Variants in ARPIN observed in about 807,000 individuals in gnomAD.
ARPIN encodes the protein UPF0552 protein C15orf38.
Under a neutral mutation model 25.9 loss-of-function variants are expected in ARPIN, and 23 were observed. The observed-to-expected ratio is 0.89, with a 90% CI of 0.64 to 1.26. The LOEUF (loss-of-function observed/expected upper bound fraction) is 1.26, where lower values mean the gene tolerates loss of function less well. Ranked by LOEUF, ARPIN falls within the 50% of genes most tolerant of loss-of-function variation. The probability of loss-of-function intolerance (pLI) is 0.00; values close to 1 mark genes in which losing one functional copy is unlikely to be tolerated. For missense variants in ARPIN, 333 were observed against 312.2 expected (o/e 1.07, Z -0.50); for synonymous variants, 126 against 131.4 (o/e 0.96, Z 0.28).
At position 89,908,287 on chromosome 15, in the gene ARPIN, C is replaced by T. The variant is rs144124631; in HGVS notation, c.294G>A (p.Ser98=). Residue 98 remains serine, a synonymous_variant, in exon 3 of 6, where the codon TCG becomes TCA. Transcript: ENST00000357484. ...TRKVNTGFLM[S]SYKVEAKGDT... ...AGGGCAGAGGATACCTACTGTAGGA[C>T]GACATGAGGAAGCCCGTGTTCACCT... The T allele has an allele frequency of 8.1e-6, 13 of 1,613,918 alleles. No individual in the cohort carries two copies. Among genetic ancestry groups the T allele is most frequent in the Middle Eastern group, 3.3e-4 (2 of 6,084 alleles).
At position 89,900,625 on chromosome 15, in the gene ARPIN, A is replaced by G. The variant is rs1229347647; in HGVS notation, c.*1170T>C. The G allele has an allele frequency of 6.6e-6, 1 of 152,210 alleles. No individual in the cohort carries two copies. The allele number at this position is 152,210 out of a possible 1,614,324, so 9.4% of individuals were successfully genotyped here. Reference sequence around the variant, plus strand: ...AATCATCTAGCATTGTGTTCGACACATTAGGGGGACTCCATAATTATTAGT... The same window carrying G: ...AATCATCTAGCATTGTGTTCGACACGTTAGGGGGACTCCATAATTATTAGT... On this transcript the variant is annotated 3_prime_UTR_variant, in exon 6 of 6. Coordinates refer to ENST00000357484, the MANE Select transcript of ARPIN (RefSeq NM_182616.4).
At position 89,901,814 on chromosome 15, in the gene ARPIN, C is replaced by A; in HGVS notation, c.673-11G>T. On this transcript the variant is annotated splice_polypyrimidine_tract_variant and intron_variant, in intron 5 of 5. Transcript: ENST00000357484. ...CGTCCCTCAGTCATCCTAGAGAAAT[C>A]CAAGGGGTAAAGAGATGTGGAGACA... 1 of 1,613,768 alleles carries A rather than the reference C, an allele frequency of 6.2e-7. No homozygotes were observed. Among genetic ancestry groups the A allele is most frequent in the Non-Finnish European group, 8.5e-7 (1 of 1,179,740 alleles).
In ARPIN at chr15:89,903,368, T is replaced by A. The variant is rs756350587; in HGVS notation, c.520A>T (p.Lys174Ter). 6.2e-7 allele frequency: 1 copy of A among 1,614,218 alleles called. No homozygotes were observed. The highest frequency in any genetic ancestry group is 1.1e-5 in the South Asian group (1 of 91,088). ...TTGGTCACTGTTCCAGCCTCAAGTTTGGCCAATGAATCTGAAAGAAGAGAT... is the reference window on the plus strand; with the variant it reads ...TTGGTCACTGTTCCAGCCTCAAGTTAGGCCAATGAATCTGAAAGAAGAGAT... Reference protein sequence around the residue: ...GDGPFLDSLAKLEAGTVTKCN... With the variant: ...GDGPFLDSLA Residue 174 changes from lysine (K) to a stop codon, truncating the protein, a stop_gained, in exon 5 of 6, where the codon AAA becomes TAA. Transcript: ENST00000357484. LOFTEE classifies it high-confidence loss of function.
chr15:89,909,995 C>T (rs541366791), intron 2 of ARPIN, among the ~76,000 whole-genome samples: 1 of 152,322 alleles, frequency 6.6e-6, no homozygotes, highest in Admixed American at 6.5e-5. Context: ...GGAGACACTG[C>T]TGGGCTCTCC....
intron 1 of ARPIN, 147 bp downstream of exon 1, chr15:89,912,597 C>G (rs1046718629): frequency 7.4e-5 from 99 of 1,345,570 alleles, no homozygotes; most frequent in Admixed American, 8.2e-5. Context: ...CCGGGAGCGG[C>G]GGACTGGAGG....
chr15:89,895,871 G>C lies in ARPIN; in HGVS notation c.*5924C>G, dbSNP rs1475690052. The C allele has an allele frequency of 7.1e-6, 1 of 140,172 alleles. No individual in the cohort carries two copies. Among genetic ancestry groups the C allele is most frequent in the Non-Finnish European group, 1.5e-5 (1 of 65,058 alleles). 8.7% of individuals were successfully genotyped at this position (140,172 alleles called of 1,614,324 possible). ...GTCTCCCAAACCGCCACCACGCCTAGTCCAGTTTTTTGTTTGTTTGTTTGT... is the reference window on the plus strand; with the variant it reads ...GTCTCCCAAACCGCCACCACGCCTACTCCAGTTTTTTGTTTGTTTGTTTGT... On this transcript the variant is annotated 3_prime_UTR_variant, in exon 6 of 6. Transcript: ENST00000357484.
chr15:89,912,682 C>A (rs1330887030), intron 1 of ARPIN, 62 bp downstream of exon 1: 2 of 1,208,208 alleles, frequency 1.7e-6, no homozygotes, highest in African/African-American at 1.7e-5. Context: ...CCCACCCGAT[C>A]CTGTTGCGGG....
intron 3 of ARPIN, among the ~76,000 whole-genome samples, chr15:89,905,016 T>TG (rs1320573840): frequency 8.4e-6 from 1 of 118,690 alleles, no homozygotes; most frequent in Non-Finnish European, 1.7e-5. Context: ...ACCACTCACC[T>TG]GTCAACCCTT....
At chr15:89,905,893 G>A (rs1286279321) in intron 3 of ARPIN, among the ~76,000 whole-genome samples, 1 of 151,976 alleles carries the variant, frequency 6.6e-6, no homozygotes, top group Non-Finnish European at 1.5e-5. Context: ...ATCCTCCAAG[G>A]CCTCAGTAGA....
In ARPIN at chr15:89,901,762, A is replaced by G; in HGVS notation, c.*33T>C. On this transcript the variant is annotated 3_prime_UTR_variant, in exon 6 of 6. Transcript: ENST00000357484. ...AAGAAATGTTCCACAATGCTACAGA[A>G]GGTGCTGGTGCCCCCAGAGGCAGCC... 1.9e-6 allele frequency: 3 copies of G among 1,610,646 alleles called. No homozygotes were observed. The highest frequency in any genetic ancestry group is 2.5e-6 in the Non-Finnish European group (3 of 1,176,842).
chr15:89,912,749 G>A lies in ARPIN; in HGVS notation c.87C>T (p.His29=). 7.6e-7 allele frequency: 1 copy of A among 1,318,956 alleles called. No homozygotes were observed. The highest frequency in any genetic ancestry group is 9.8e-7 in the Non-Finnish European group (1 of 1,018,580). The allele number at this position is 1,318,956 out of a possible 1,614,324, so 81.7% of individuals were successfully genotyped here. The change falls in exon 1 of 6, where the codon CAC becomes CAT. Residue 29 remains histidine (H), a synonymous_variant. Coordinates refer to ENST00000357484, the MANE Select transcript of ARPIN (RefSeq NM_182616.4). ...RLPGAWDPAA[H]QGGNGVLLEG... ...GGCCGTGAGCCCAGGCCTACCCCTG[G>A]TGGGCGGCGGGGTCCCAGGCCCCTG...
rs1897007315 is a variant in ARPIN, at chr15:89,900,853, A to T, written c.*942T>A. The T allele has an allele frequency of 6.6e-6, 1 of 152,148 alleles. No individual in the cohort carries two copies. Among genetic ancestry groups the T allele is most frequent in the Admixed American group, 6.5e-5 (1 of 15,270 alleles). 9.4% of individuals were successfully genotyped at this position (152,148 alleles called of 1,614,324 possible). ...GAAAGGCCGTTTACACCTGACAATA[A>T]CCCAGTAAGGGTGGAGGAATTCCTT... On this transcript the variant is annotated 3_prime_UTR_variant, in exon 6 of 6. Transcript: ENST00000357484.
chr15:89,902,238 G>A (rs912449434), intron 5 of ARPIN, among the ~76,000 whole-genome samples: 3 of 151,916 alleles, frequency 2.0e-5, no homozygotes, highest in African/African-American at 7.3e-5. Context: ...GAGAAACCTC[G>A]TCTCTACTAA....
chr15:89,909,411 T>G (rs1897184733), intron 2 of ARPIN, among the ~76,000 whole-genome samples: 1 of 152,044 alleles, frequency 6.6e-6, no homozygotes, highest in South Asian at 2.1e-4. Flanking sequence ...GGAATAATAT[T>G]AAAAGCCTGG....
intron 5 of ARPIN, chr15:89,902,889 A>G (rs1366205987): frequency 2.1e-5 from 26 of 1,254,022 alleles, no homozygotes; most frequent in African/African-American, 3.0e-5. Flanking sequence ...CTGCCTCAGC[A>G]TGGTTAATGT....
At position 89,908,327 on chromosome 15, in the gene ARPIN, A is replaced by G; in HGVS notation, c.254T>C (p.Phe85Ser). 6.2e-7 allele frequency: 1 copy of G among 1,614,166 alleles called. No individual in the cohort carries two copies. Among genetic ancestry groups the G allele is most frequent in the Non-Finnish European group, 8.5e-7 (1 of 1,180,028 alleles). ...DAKGNEIEPNFSATRKVNTGF... is the reference protein window; with the variant it reads ...DAKGNEIEPNSSATRKVNTGF... ...CGTGTTCACCTTCCTGGTGGCGCTG[A>G]AGTTGGGCTCGATTTCATTTCCCTT... is the stretch of plus-strand genomic sequence containing the variant. The change falls in exon 3 of 6, where the codon TTC (phenylalanine) becomes TCC (serine). Residue 85 changes from phenylalanine (F) to serine (S), a missense_variant. Transcript: ENST00000357484.
At chr15:89,908,780 G>A (rs920781303) in intron 2 of ARPIN, among the ~76,000 whole-genome samples, 8 of 151,956 alleles carry the variant, frequency 5.3e-5, no homozygotes, top group Non-Finnish European at 1.0e-4. Context: ...TCAGGAGTTC[G>A]AGACCAGCCT....
intron 5 of ARPIN, 112 bp downstream of exon 5, chr15:89,903,104 A>G (rs768676148): frequency 6.2e-7 from 1 of 1,604,094 alleles, no homozygotes; most frequent in South Asian, 1.1e-5. Flanking sequence ...GAATTCCACT[A>G]AAGCTGGGGG....
At chr15:89,905,037 T>C (rs945502109) in intron 3 of ARPIN, among the ~76,000 whole-genome samples, 7 of 151,816 alleles carry the variant, frequency 4.6e-5, no homozygotes, top group Admixed American at 1.3e-4. Context: ...TTTTTTTTTT[T>C]TTGAGATGGA....
Sources: allele counts gnomAD v4.1 joint callset (sites outside exome capture counted in the v4.1 genomes callset), GRCh38; gene constraint gnomAD v4.1.1; transcripts MANE v1.5; gene names NCBI Gene and HGNC (gene_info 2026-07-23, HGNC 2026-07-21).